The following NRXN1 variants were observed in gnomAD, a reference collection of about 807,000 sequenced individuals.
The protein encoded by NRXN1 is neurexin 1.
In NRXN1, 39 loss-of-function variants were observed where a neutral mutation model predicts 150.9. The observed-to-expected ratio is 0.26, with a 90% CI of 0.20 to 0.34. The LOEUF is 0.34. Among genes scored for constraint, NRXN1 ranks in the 10% least tolerant of loss-of-function variants. The probability of loss-of-function intolerance (pLI) is 1.00; values close to 1 mark genes in which losing one functional copy is unlikely to be tolerated. For synonymous variants in NRXN1, 924 were observed against 757.0 expected, an observed-to-expected ratio of 1.22 and a Z score of -3.62; for missense variants, 1,815 against 1,949.9, an observed-to-expected ratio of 0.93 and a Z score of 1.30.
chr2:50,977,927 A>G (rs945747296), intron 2 of NRXN1, among the ~76,000 whole-genome samples: 1 of 151,756 alleles, frequency 6.6e-6, no homozygotes, highest in Non-Finnish European at 1.5e-5. Context: ...CTGAAACAAC[A>G]AATAAAACAT....
chr2:50,247,922 C>T (rs2066661871), intron 17 of NRXN1, among the ~76,000 whole-genome samples: 1 of 152,064 alleles, frequency 6.6e-6, no homozygotes, highest in Admixed American at 6.6e-5. Flanking sequence ...CACAAGAAGG[C>T]TCTTTTAATT....
Position 50,367,500 on chromosome 2 carries a change from C to A in NRXN1, c.3364+97942G>T, listed in dbSNP as rs377442334. Among the ~76,000 whole-genome samples, 15 of 152,068 alleles carry A rather than the reference C, an allele frequency of 9.9e-5. 1 individual carries two copies. Among genetic ancestry groups the A allele is most frequent in the African/African-American group, 3.6e-4 (15 of 41,518 alleles). The stretch of plus-strand genomic sequence containing the variant: ...AGCAAATATTTATTGAGCACTTACT[C>A]TGCAACAGGATCTGTACCAAGCCCT... On this transcript the variant is annotated intron_variant, in intron 17 of 22. Coordinates refer to ENST00000401669, the MANE Select transcript of NRXN1 (RefSeq NM_001330078.2).
intron 5 of NRXN1, among the ~76,000 whole-genome samples, chr2:50,830,722 C>G (rs190330182): frequency 8.0e-5 from 12 of 149,750 alleles, no homozygotes; most frequent in East Asian, 3.9e-4. Flanking sequence ...TCCTCCCATA[C>G]TAGATTCCTA....
intron 2 of NRXN1, among the ~76,000 whole-genome samples, chr2:50,942,408 G>A (rs544863448): frequency 3.3e-5 from 5 of 152,244 alleles, no homozygotes; most frequent in South Asian, 4.1e-4. Flanking sequence ...TAGATCCACC[G>A]ACAGCTTGCA....
intron 19 of NRXN1, among the ~76,000 whole-genome samples, chr2:50,086,038 G>A (rs534485349): frequency 2.6e-5 from 4 of 152,114 alleles, no homozygotes; most frequent in Non-Finnish European, 5.9e-5. Context: ...TCTCTTCAAG[G>A]TTCCATTTTG....
chr2:50,054,962 G>T lies in NRXN1; in HGVS notation c.3801C>A (p.Leu1267=). 6.4e-7 allele frequency: 1 copy of T among 1,562,282 alleles called. No individual in the cohort carries two copies. Among genetic ancestry groups the T allele is most frequent in the Non-Finnish European group, 8.7e-7 (1 of 1,155,804 alleles). Residue 1267 remains leucine (L), a synonymous_variant, in exon 20 of 23, where the codon CTC becomes CTA. Transcript: ENST00000401669. ...RLGRVVDEWL[L]DKGRQLTIFN... ...TTAATCAATGTTTTTTACCTTTGTC[G>T]AGTAGCCATTCATCAACTACTCGAC...
chr2:50,786,979 T>C (rs1705213785), intron 5 of NRXN1, among the ~76,000 whole-genome samples: 1 of 152,110 alleles, frequency 6.6e-6, no homozygotes. Flanking sequence ...GTGCAGCAAA[T>C]GCAATATGCA....
chr2:50,850,438 G>A (rs955985459), intron 5 of NRXN1, among the ~76,000 whole-genome samples: 3 of 152,020 alleles, frequency 2.0e-5, no homozygotes, highest in African/African-American at 4.8e-5. Flanking sequence ...TACGGGATAA[G>A]TCAGCCTGTG....
intron 17 of NRXN1, among the ~76,000 whole-genome samples, chr2:50,278,619 G>A (rs2070985903): frequency 6.6e-6 from 1 of 151,834 alleles, no homozygotes; most frequent in African/African-American, 2.4e-5. Flanking sequence ...GCTTACTAAA[G>A]CATGGTGGAA....
intron 2 of NRXN1, among the ~76,000 whole-genome samples, chr2:50,935,151 T>A (rs1003339439): frequency 6.6e-6 from 1 of 152,198 alleles, no homozygotes; most frequent in African/African-American, 2.4e-5. Flanking sequence ...GCGCCTTTCA[T>A]CCTACTATCT....
Position 50,495,932 on chromosome 2 carries a change from C to T in NRXN1, c.3043G>A (p.Ala1015Thr), listed in dbSNP as rs558347422. Reference sequence around the variant, plus strand: ...TTGAGGTCTAAGTTCCTGGCTCCGGCGGTGATTTGCGTTGTGATTTTTGTG... The same window carrying T: ...TTGAGGTCTAAGTTCCTGGCTCCGGTGGTGATTTGCGTTGTGATTTTTGTG... Reference protein sequence around the residue: ...IDTKITTQITAGARNLDLKSD... With the variant: ...IDTKITTQITTGARNLDLKSD... Residue 1015 changes from alanine (A) to threonine (T), a missense_variant, in exon 15 of 23, where the codon GCC becomes ACC. This residue lies in a region of NRXN1 where 339 missense variants were observed against 440.3 expected (regional missense o/e 0.77). Transcript: ENST00000401669. The T allele has an allele frequency of 1.2e-6, 2 of 1,607,850 alleles. No homozygotes were observed. The highest frequency in any genetic ancestry group is 1.1e-5 in the South Asian group (1 of 90,064).
intron 21 of NRXN1, among the ~76,000 whole-genome samples, chr2:49,997,717 T>C (rs1683226672): frequency 6.6e-6 from 1 of 152,140 alleles, no homozygotes; most frequent in African/African-American, 2.4e-5. Context: ...TAAATTATGA[T>C]TTTCCCCAAG....
In NRXN1 at chr2:50,053,378, T is replaced by C; in HGVS notation, c.4021A>G (p.Thr1341Ala). 4 of 1,614,024 alleles carry C rather than the reference T, an allele frequency of 2.5e-6. No homozygotes were observed. Among genetic ancestry groups the C allele is most frequent in the Non-Finnish European group, 3.4e-6 (4 of 1,179,922 alleles). ...PSSMTTESTA[T>A]AMQSEMSTSI... ...GTGGACATCTCTGATTGCATGGCAG[T>C]GGCTGTTGACTCAGTTGTCATAGAG... The change falls in exon 21 of 23, where the codon ACT (threonine) becomes GCT (alanine). Residue 1341 changes from threonine to alanine, a missense_variant. Coordinates refer to ENST00000401669, the MANE Select transcript of NRXN1 (RefSeq NM_001330078.2).
At chr2:50,952,912 G>A (rs1691635831) in intron 2 of NRXN1, among the ~76,000 whole-genome samples, 3 of 152,184 alleles carry the variant, frequency 2.0e-5, no homozygotes, top group African/African-American at 7.2e-5. Context: ...CAAGCTGCTA[G>A]AAGAAGTGAA....
At chr2:50,996,784 T>C (rs1049775992) in intron 2 of NRXN1, among the ~76,000 whole-genome samples, 1 of 152,014 alleles carries the variant, frequency 6.6e-6, no homozygotes, top group African/African-American at 2.4e-5. Context: ...TCCTTCTATA[T>C]CATCTTCTAC....
At chr2:50,048,848 T>G (rs1692249498) in intron 21 of NRXN1, among the ~76,000 whole-genome samples, 1 of 152,134 alleles carries the variant, frequency 6.6e-6, no homozygotes, top group Non-Finnish European at 1.5e-5. Flanking sequence ...CCAATACATT[T>G]CACTCATATT....
intron 17 of NRXN1, among the ~76,000 whole-genome samples, chr2:50,442,946 A>G (rs2086091175): frequency 6.6e-6 from 1 of 152,170 alleles, no homozygotes; most frequent in African/African-American, 2.4e-5. Flanking sequence ...TGAATTTGAC[A>G]ATGTGAAGAT....
At chr2:50,666,227 G>C (rs1485143944) in intron 5 of NRXN1, among the ~76,000 whole-genome samples, 1 of 151,966 alleles carries the variant, frequency 6.6e-6, no homozygotes, top group Non-Finnish European at 1.5e-5. Context: ...ATGCACATCA[G>C]TTGTTCATTC....
chr2:50,277,381 C>T (rs566787504), intron 17 of NRXN1, among the ~76,000 whole-genome samples: 2 of 151,328 alleles, frequency 1.3e-5, no homozygotes, highest in East Asian at 2.0e-4. Context: ...CAAAAAGGTC[C>T]GTCCTTCCTT....
Sources: allele counts gnomAD v4.1 joint callset (sites outside exome capture counted in the v4.1 genomes callset), GRCh38; gene constraint gnomAD v4.1.1; regional missense constraint gnomAD v4.1.1; transcripts MANE v1.5; gene names NCBI Gene and HGNC (gene_info 2026-07-23, HGNC 2026-07-21).